PCP4: variants seen among roughly 807,000 people sequenced by gnomAD.
The protein encoded by PCP4 is calmodulin regulator protein PCP4.
PCP4 carries 8 observed loss-of-function variants against 10.0 expected under a neutral mutation model. The ratio of observed to expected loss-of-function variants is 0.80; its 90% confidence interval spans 0.47 to 1.45. The LOEUF is 1.45. PCP4 is among the 40% of genes most tolerant of loss of function. The pLI, the probability that PCP4 is intolerant of heterozygous loss-of-function variation, is 0.00. For synonymous variants in PCP4, 21 were observed against 23.0 expected, an observed-to-expected ratio of 0.91 and a Z score of 0.24; for missense variants, 54 against 74.4, an observed-to-expected ratio of 0.73 and a Z score of 1.01.
chr21:39,893,535 A>T (rs1174466621), intron 1 of PCP4, among the ~76,000 whole-genome samples: 2 of 152,236 alleles, frequency 1.3e-5, no homozygotes, highest in African/African-American at 4.8e-5. Context: ...ACCCAGAGGC[A>T]TCTCATCTGC....
chr21:39,878,135 A>G (rs753897777), intron 1 of PCP4, among the ~76,000 whole-genome samples: 6 of 152,212 alleles, frequency 3.9e-5, no homozygotes, highest in Non-Finnish European at 8.8e-5. Flanking sequence ...AGACAGAATC[A>G]CATAAAATTA....
intron 1 of PCP4, among the ~76,000 whole-genome samples, chr21:39,897,284 A>G (rs2087461425): frequency 6.6e-6 from 1 of 151,100 alleles, no homozygotes; most frequent in Admixed American, 6.6e-5. Flanking sequence ...GCTACTCTGT[A>G]GGCTGAGGTA....
intron 1 of PCP4, among the ~76,000 whole-genome samples, chr21:39,872,302 G>A (rs1203367861): frequency 2.6e-5 from 4 of 152,076 alleles, no homozygotes; most frequent in African/African-American, 9.7e-5. Context: ...CCCAACCTGC[G>A]TTATTTTTTA....
In PCP4 at chr21:39,911,424, G is replaced by T. The variant is rs192995782; in HGVS notation, c.61+12897G>T. Reference sequence around the variant, plus strand: ...TGGCACCCCAGTGACTGGCCTCGAGGTGAGCACAGGTGTAGACAACAGTGG... The same window carrying T: ...TGGCACCCCAGTGACTGGCCTCGAGTTGAGCACAGGTGTAGACAACAGTGG... On this transcript the variant is annotated intron_variant, in intron 2 of 2. Coordinates refer to ENST00000328619, the MANE Select transcript of PCP4 (RefSeq NM_006198.3). Among the ~76,000 whole-genome samples, 246 of 152,326 alleles carry T rather than the reference G, an allele frequency of 1.6e-3. 2 individuals carry two copies. Among genetic ancestry groups the T allele is most frequent in the Non-Finnish European group, 2.6e-3 (176 of 68,036 alleles).
intron 1 of PCP4, among the ~76,000 whole-genome samples, chr21:39,869,973 G>T (rs1052660111): frequency 2.0e-5 from 3 of 152,200 alleles, no homozygotes; most frequent in African/African-American, 7.2e-5. Context: ...CTGCTGCAGT[G>T]CCAGGGCTGA....
chr21:39,898,858 C>G (rs2087469763), intron 2 of PCP4, among the ~76,000 whole-genome samples: 1 of 152,190 alleles, frequency 6.6e-6, no homozygotes. Flanking sequence ...AAAATGAGAT[C>G]AAACGAGATA....
At chr21:39,917,070 C>G (rs111868976) in intron 2 of PCP4, among the ~76,000 whole-genome samples, 51 of 152,256 alleles carry the variant, frequency 3.3e-4, no homozygotes, top group African/African-American at 1.2e-3. Flanking sequence ...ACATCCTACA[C>G]ATGTACCCTG....
intron 2 of PCP4, among the ~76,000 whole-genome samples, chr21:39,919,423 T>C (rs1181282759): frequency 6.6e-6 from 1 of 152,240 alleles, no homozygotes; most frequent in South Asian, 2.1e-4. Flanking sequence ...GTTATTTCTT[T>C]ATAGCTTGCT....
At chr21:39,928,732 T>G (rs1198876876) in intron 2 of PCP4, among the ~76,000 whole-genome samples, 1 of 152,188 alleles carries the variant, frequency 6.6e-6, no homozygotes, top group Non-Finnish European at 1.5e-5. Context: ...CAGAAAATCA[T>G]GTGCAGAAAA....
intron 2 of PCP4, among the ~76,000 whole-genome samples, chr21:39,922,228 T>C (rs1205753680): frequency 6.6e-6 from 1 of 152,214 alleles, no homozygotes; most frequent in East Asian, 1.9e-4. Flanking sequence ...TTTATGATTC[T>C]CTATTTTATA....
At chr21:39,927,913 G>T (rs2087632753) in intron 2 of PCP4, among the ~76,000 whole-genome samples, 2 of 152,140 alleles carry the variant, frequency 1.3e-5, no homozygotes, top group Admixed American at 1.3e-4. Context: ...GGCTGTGCAA[G>T]GAGGAAGCCC....
At chr21:39,885,571 G>A (rs1001833483) in intron 1 of PCP4, among the ~76,000 whole-genome samples, 2 of 152,332 alleles carry the variant, frequency 1.3e-5, no homozygotes, top group African/African-American at 4.8e-5. Context: ...ACCTCCATGT[G>A]GTTTGGGGTT....
chr21:39,885,511 A>G (rs555407068), intron 1 of PCP4, among the ~76,000 whole-genome samples: 82 of 152,318 alleles, frequency 5.4e-4, no homozygotes, highest in African/African-American at 1.9e-3. Flanking sequence ...AGTTCTGGGC[A>G]TGTGGTTGAG....
rs1035011509 is a variant in PCP4, at chr21:39,889,601, A to C, written c.10-8875A>C. Among the ~76,000 whole-genome samples, 64 of 151,082 alleles carry C rather than the reference A, an allele frequency of 4.2e-4. 2 individuals carry two copies. Among genetic ancestry groups the C allele is most frequent in the Admixed American group, 4.2e-3 (64 of 15,198 alleles). ...CTGGCTAATTTTTTGTATTTTTAGT[A>C]GAGATGGGGTTTCACTGTGTTAGCC... On this transcript the variant is annotated intron_variant, in intron 1 of 2. Transcript: ENST00000328619.
intron 1 of PCP4, among the ~76,000 whole-genome samples, chr21:39,894,193 A>T (rs186423966): frequency 6.6e-6 from 1 of 152,252 alleles, no homozygotes; most frequent in Admixed American, 6.5e-5. Context: ...ATTATTAGAC[A>T]ATCTAATGGA....
At chr21:39,889,331 A>G (rs2087416813) in intron 1 of PCP4, among the ~76,000 whole-genome samples, 1 of 151,834 alleles carries the variant, frequency 6.6e-6, no homozygotes, top group South Asian at 2.1e-4. Context: ...CTTATTCCCT[A>G]ACCCTTAGGG....
intron 1 of PCP4, among the ~76,000 whole-genome samples, chr21:39,870,469 G>A (rs2087314275): frequency 6.6e-6 from 1 of 152,180 alleles, no homozygotes; most frequent in Admixed American, 6.5e-5. Context: ...CACAGCCTCA[G>A]TTTACAAGGT....
At chr21:39,898,428 G>C (rs766732498) in intron 1 of PCP4, 48 bp from the exon 2 acceptor site, 1 of 1,442,596 alleles carries the variant, frequency 6.9e-7, no homozygotes, top group East Asian at 2.3e-5. Flanking sequence ...AAGTAATCCC[G>C]AGTATATCTG....
At chr21:39,888,531 A>G (rs551943838) in intron 1 of PCP4, among the ~76,000 whole-genome samples, 1 of 152,188 alleles carries the variant, frequency 6.6e-6, no homozygotes, top group South Asian at 2.1e-4. Context: ...TTCAATGAGG[A>G]ATTTCTCCAG....
Sources: allele counts gnomAD v4.1 joint callset (sites outside exome capture counted in the v4.1 genomes callset), GRCh38; gene constraint gnomAD v4.1.1; transcripts MANE v1.5; gene names NCBI Gene and HGNC (gene_info 2026-07-23, HGNC 2026-07-21).